The following CDK14 variants were observed in gnomAD, a reference collection of about 807,000 sequenced individuals.
CDK14 encodes cyclin dependent kinase 14.
In CDK14, 34 loss-of-function variants were observed where a neutral mutation model predicts 60.7. The ratio of observed to expected loss-of-function variants is 0.56; its 90% confidence interval spans 0.43 to 0.75. The LOEUF is 0.75. Among genes scored for constraint, CDK14 ranks in the 30% least tolerant of loss-of-function variants. CDK14 has a pLI of 0.00. For synonymous variants in CDK14, 197 were observed against 203.7 expected, an observed-to-expected ratio of 0.97 and a Z score of 0.28; for missense variants, 482 against 564.1, an observed-to-expected ratio of 0.85 and a Z score of 1.47.
At chr7:91,008,158 A>AAAAAAAAAG (rs1796045745) in intron 10 of CDK14, among the ~76,000 whole-genome samples, 2 of 150,664 alleles carry the variant, frequency 1.3e-5, no homozygotes, top group African/African-American at 2.4e-5. Flanking sequence ...AACAAAAAAA[A>AAAAAAAAAG]ACAGTGGATG....
At chr7:91,081,717 C>A (rs1474868742) in intron 12 of CDK14, among the ~76,000 whole-genome samples, 1 of 152,030 alleles carries the variant, frequency 6.6e-6, no homozygotes, top group Non-Finnish European at 1.5e-5. Context: ...CTAGGCAATT[C>A]CCTGCTGACT....
At chr7:90,924,861 T>C (rs1046601050) in intron 8 of CDK14, among the ~76,000 whole-genome samples, 1 of 152,166 alleles carries the variant, frequency 6.6e-6, no homozygotes, top group Non-Finnish European at 1.5e-5. Flanking sequence ...TTTATGCATA[T>C]TAGTATTTTA....
At chr7:90,839,773 AT>A (rs940144658) in intron 5 of CDK14, among the ~76,000 whole-genome samples, 1 of 152,028 alleles carries the variant, frequency 6.6e-6, no homozygotes, top group Non-Finnish European at 1.5e-5. Flanking sequence ...GGTTTTATGC[AT>A]TTTTTTCATT....
chr7:90,823,751 G>A (rs1372222854), intron 5 of CDK14, among the ~76,000 whole-genome samples: 4 of 152,278 alleles, frequency 2.6e-5, no homozygotes, highest in African/African-American at 9.6e-5. Flanking sequence ...CCAAGTTCTT[G>A]TGAAGACTAG....
chr7:90,799,886 G>T (rs900189302), intron 5 of CDK14, among the ~76,000 whole-genome samples: 3 of 151,870 alleles, frequency 2.0e-5, no homozygotes, highest in Non-Finnish European at 2.9e-5. Context: ...GGGGGGACAT[G>T]GGAAAAAATT....
intron 2 of CDK14, among the ~76,000 whole-genome samples, chr7:90,658,513 G>A (rs138044365): frequency 1.3e-5 from 2 of 152,268 alleles, no homozygotes; most frequent in African/African-American, 4.8e-5. Flanking sequence ...TACAACATAC[G>A]GATTTTGGAG....
intron 11 of CDK14, among the ~76,000 whole-genome samples, chr7:91,070,116 CTG>C (rs1798095248): frequency 6.6e-6 from 1 of 152,162 alleles, no homozygotes; most frequent in African/African-American, 2.4e-5. Flanking sequence ...TGTTGACTAA[CTG>C]TTTTATTTTA....
chr7:91,162,623 T>G (rs759657171), intron 14 of CDK14, among the ~76,000 whole-genome samples: 4 of 152,230 alleles, frequency 2.6e-5, no homozygotes, highest in African/African-American at 4.8e-5. Flanking sequence ...CCAGGCTTAG[T>G]ACTTACTGAC....
At chr7:91,084,669 C>G (rs988792155) in intron 12 of CDK14, among the ~76,000 whole-genome samples, 1 of 152,178 alleles carries the variant, frequency 6.6e-6, no homozygotes, top group Non-Finnish European at 1.5e-5. Flanking sequence ...AAGGGCAGGC[C>G]CCATGCTATT....
At chr7:91,176,614 T>A (rs565671542) in intron 14 of CDK14, among the ~76,000 whole-genome samples, 1 of 152,048 alleles carries the variant, frequency 6.6e-6, no homozygotes, top group African/African-American at 2.4e-5. Context: ...CAATAAAAAA[T>A]GATAAAGGGC....
At chr7:90,829,334 A>G (rs1789833029) in intron 5 of CDK14, among the ~76,000 whole-genome samples, 1 of 152,118 alleles carries the variant, frequency 6.6e-6, no homozygotes, top group African/African-American at 2.4e-5. Context: ...CTAACTCAAA[A>G]GTCCAAGTCC....
intron 6 of CDK14, among the ~76,000 whole-genome samples, chr7:90,881,470 CAGA>C (rs1791750767): frequency 6.6e-6 from 1 of 152,046 alleles, no homozygotes; most frequent in Admixed American, 6.6e-5. Context: ...ATCGGAGTGC[CAGA>C]AGGAGATGGG....
chr7:91,130,599 A>G (rs555980444), intron 14 of CDK14, among the ~76,000 whole-genome samples: 6 of 152,226 alleles, frequency 3.9e-5, no homozygotes, highest in Admixed American at 2.0e-4. Flanking sequence ...TTTTTTTGCT[A>G]TATGAAATGA....
At chr7:90,769,289 A>G (rs189930490) in intron 4 of CDK14, among the ~76,000 whole-genome samples, 1 of 152,264 alleles carries the variant, frequency 6.6e-6, no homozygotes, top group East Asian at 1.9e-4. Flanking sequence ...AACTGAGCAC[A>G]TATCTAACTG....
intron 2 of CDK14, among the ~76,000 whole-genome samples, chr7:90,697,202 A>C (rs372314945): frequency 1.2e-3 from 182 of 152,306 alleles, no homozygotes; most frequent in African/African-American, 4.2e-3. Flanking sequence ...AGTAGGAGAC[A>C]ACTTTGGAAA....
chr7:91,009,514 A>G (rs1300983278), intron 10 of CDK14, among the ~76,000 whole-genome samples: 1 of 152,130 alleles, frequency 6.6e-6, no homozygotes, highest in Non-Finnish European at 1.5e-5. Context: ...CAGTTGTTGT[A>G]CATCTTTAAT....
In CDK14 at chr7:90,874,503, C is replaced by CTTTTTT. The variant is rs747439482; in HGVS notation, c.639+11265_639+11270dup. ...ATCTGGAATCTCATGTCCTTTCATC[C>CTTTTTT]TTTTTTTTTTTTTTTTTTTTTTTTT... On this transcript the variant is annotated intron_variant, in intron 6 of 14. Coordinates refer to ENST00000380050, the MANE Select transcript of CDK14 (RefSeq NM_001287135.2). 1.4e-3 allele frequency among the ~76,000 whole-genome samples: 65 copies of CTTTTTT among 48,010 alleles called. 19 individuals are homozygous for CTTTTTT. The highest frequency in any genetic ancestry group is 4.8e-3 in the East Asian group (4 of 834). The allele number at this position is 48,010 out of a possible 152,430, so 31.5% of individuals were successfully genotyped here.
At chr7:90,610,343 A>G (rs1584739592) in intron 2 of CDK14, among the ~76,000 whole-genome samples, 1 of 152,100 alleles carries the variant, frequency 6.6e-6, no homozygotes, top group South Asian at 2.1e-4. Flanking sequence ...TAAATTTATC[A>G]TTTCCATCCT....
At chr7:90,860,525 C>CTT (rs1240085824) in intron 5 of CDK14, among the ~76,000 whole-genome samples, 62 of 129,300 alleles carry the variant, frequency 4.8e-4, no homozygotes, top group Admixed American at 1.5e-3. Flanking sequence ...TGTCTCATTC[C>CTT]TTTTTTTTTT....
Sources: allele counts gnomAD v4.1 joint callset (sites outside exome capture counted in the v4.1 genomes callset), GRCh38; gene constraint gnomAD v4.1.1; transcripts MANE v1.5; gene names NCBI Gene and HGNC (gene_info 2026-07-23, HGNC 2026-07-21).